Variants in BBX observed in about 807,000 individuals in gnomAD.
BBX encodes BBX high mobility group box domain containing, also known as HMG box transcription factor BBX.
Under a neutral mutation model 100.2 loss-of-function variants are expected in BBX, and 30 were observed. That is an observed-to-expected ratio of 0.30 (90% CI 0.22 to 0.41). The LOEUF (loss-of-function observed/expected upper bound fraction) is 0.41. Ranked by LOEUF, BBX falls within the 10% of genes least tolerant of loss-of-function variation. The pLI, the probability that BBX is intolerant of heterozygous loss-of-function variation, is 1.00. For synonymous variants in BBX, 376 were observed against 388.1 expected (o/e 0.97, Z 0.37); for missense variants, 1,023 against 1,129.8 (o/e 0.91, Z 1.35).
intron 5 of BBX, among the ~76,000 whole-genome samples, chr3:107,718,911 G>A (rs1323171924): frequency 2.0e-5 from 3 of 151,912 alleles, no homozygotes; most frequent in Admixed American, 6.6e-5. Context: ...TAGAAGATTC[G>A]GCTACTTTCA....
chr3:107,729,922 A>G (rs2063202997), intron 6 of BBX, among the ~76,000 whole-genome samples: 1 of 152,150 alleles, frequency 6.6e-6, no homozygotes, highest in South Asian at 2.1e-4. Flanking sequence ...ATAATCTACA[A>G]AAAATATTAT....
chr3:107,663,584 A>G (rs979756200), intron 3 of BBX, among the ~76,000 whole-genome samples: 25 of 152,052 alleles, frequency 1.6e-4, no homozygotes, highest in African/African-American at 5.8e-4. Context: ...TACCCCCTAC[A>G]TTAAATTTTG....
intron 5 of BBX, among the ~76,000 whole-genome samples, chr3:107,724,565 A>T (rs1050861816): frequency 1.6e-4 from 25 of 152,166 alleles, no homozygotes; most frequent in Non-Finnish European, 3.4e-4. Context: ...TCTTTAATCC[A>T]TCTTGAATTG....
chr3:107,664,745 C>CA (rs2058652006), intron 3 of BBX, among the ~76,000 whole-genome samples: 4 of 152,154 alleles, frequency 2.6e-5, no homozygotes, highest in African/African-American at 9.7e-5. Flanking sequence ...CTAAGAAATA[C>CA]AGTTTTTGCA....
rs186459487 is a variant in BBX at position 107,584,434 on chromosome 3, A to C, written c.-84+58036A>C. On this transcript the variant is annotated intron_variant, in intron 2 of 17. Coordinates refer to ENST00000325805, the MANE Select transcript of BBX (RefSeq NM_001142568.3). Reference sequence around the variant, plus strand: ...TTAGTTTGTGAAATTTGTCCATTCAAATCTTCATGTCTGGAAAACTATATG... The same window carrying C: ...TTAGTTTGTGAAATTTGTCCATTCACATCTTCATGTCTGGAAAACTATATG... 1.3e-4 allele frequency among the ~76,000 whole-genome samples: 20 copies of C among 149,794 alleles called. 1 individual carries two copies. The East Asian group carries it at 3.9e-3, about 29-fold the overall frequency.
intron 9 of BBX, 129 bp downstream of exon 9, chr3:107,748,168 A>G: frequency 1.5e-6 from 1 of 670,446 alleles, no homozygotes. Flanking sequence ...AATACACATA[A>G]CAGAATATTT....
intron 13 of BBX, among the ~76,000 whole-genome samples, chr3:107,779,938 C>T (rs2067700483): frequency 6.6e-6 from 1 of 152,024 alleles, no homozygotes; most frequent in Non-Finnish European, 1.5e-5. Flanking sequence ...CAGTTTTCCT[C>T]TGTGGTTAAT....
Position 107,789,894 on chromosome 3 carries a change from C to T in BBX, c.2293+18C>T, listed in dbSNP as rs1301574643. The T allele has an allele frequency of 6.6e-7, 1 of 1,520,200 alleles. No homozygotes were observed. Among genetic ancestry groups the T allele is most frequent in the Non-Finnish European group, 8.9e-7 (1 of 1,119,172 alleles). 94.2% of individuals were successfully genotyped at this position (1,520,200 alleles called of 1,614,324 possible). A position where few individuals can be genotyped will look rare whatever the true frequency, so the allele number is the denominator to read the frequency against. On this transcript the variant is annotated intron_variant, in intron 14 of 17. Transcript: ENST00000325805. ...GGAAAAAGGTATTGGTGCCCTCCAT[C>T]CTCCATGAAGGGTTCTTGGTCACCT...
At chr3:107,574,818 G>A (rs1425449029) in intron 2 of BBX, among the ~76,000 whole-genome samples, 3 of 152,308 alleles carry the variant, frequency 2.0e-5, no homozygotes, top group East Asian at 1.9e-4. Context: ...GAGAAGGAAT[G>A]ACTCAAGGCT....
chr3:107,805,357 T>A lies in BBX; in HGVS notation c.2739-13T>A. ...TGCTGAATAAGTGACTTTTTCTTCC[T>A]TTTATTTTACAGAGGTCAGAGGTCA... On this transcript the variant is annotated splice_polypyrimidine_tract_variant and intron_variant, in intron 17 of 17. Transcript: ENST00000325805. The A allele has an allele frequency of 6.2e-7, 1 of 1,601,824 alleles. No individual in the cohort carries two copies. Among genetic ancestry groups the A allele is most frequent in the Non-Finnish European group, 8.5e-7 (1 of 1,173,674 alleles).
rs543886254 is a variant in BBX, at chr3:107,699,019, C to CTCAT, written c.-9-11419_-9-11416dup. ...TGGACTTCAGGGAACAGTCCTAGAA[C>CTCAT]TCATTCATTCATTCATTTGCCTGCA... On this transcript the variant is annotated intron_variant, in intron 3 of 17. Coordinates refer to ENST00000325805, the MANE Select transcript of BBX (RefSeq NM_001142568.3). Among the ~76,000 whole-genome samples the CTCAT allele has an allele frequency of 6.4e-4, 97 of 151,914 alleles. 2 individuals carry two copies. The East Asian group carries it at 0.016, about 24-fold the overall frequency.
chr3:107,667,254 T>G (rs1331024020), intron 3 of BBX, among the ~76,000 whole-genome samples: 1 of 152,242 alleles, frequency 6.6e-6, no homozygotes, highest in Non-Finnish European at 1.5e-5. Flanking sequence ...TGTCTTTGAT[T>G]AATGTAAAAG....
intron 3 of BBX, among the ~76,000 whole-genome samples, chr3:107,696,833 A>G (rs2060642280): frequency 1.3e-5 from 2 of 151,420 alleles, no homozygotes; most frequent in South Asian, 2.1e-4. Context: ...TTTCAGGTAC[A>G]CCAATCAGAC....
chr3:107,691,750 T>G (rs1423089160), intron 3 of BBX, among the ~76,000 whole-genome samples: 4 of 152,348 alleles, frequency 2.6e-5, no homozygotes, highest in African/African-American at 9.6e-5. Context: ...TCTAAGCATT[T>G]GGGAAGGTAA....
intron 2 of BBX, among the ~76,000 whole-genome samples, chr3:107,638,836 C>G (rs2057025293): frequency 7.8e-6 from 1 of 127,510 alleles, no homozygotes; most frequent in Non-Finnish European, 1.7e-5. Context: ...CACACACAGA[C>G]AAATTAGCCA....
At chr3:107,615,912 G>C (rs577333034) in intron 2 of BBX, among the ~76,000 whole-genome samples, 1 of 146,944 alleles carries the variant, frequency 6.8e-6, no homozygotes, top group Non-Finnish European at 1.5e-5. Context: ...GCTAGTAAAA[G>C]CTCTATTTGG....
intron 10 of BBX, among the ~76,000 whole-genome samples, chr3:107,771,776 A>G (rs550582150): frequency 6.6e-6 from 1 of 152,326 alleles, no homozygotes; most frequent in African/African-American, 2.4e-5. Flanking sequence ...TTTGTTCATT[A>G]ATCAAAACCT....
At chr3:107,568,857 G>A (rs1252099812) in intron 2 of BBX, among the ~76,000 whole-genome samples, 1 of 152,038 alleles carries the variant, frequency 6.6e-6, no homozygotes, top group Middle Eastern at 3.2e-3. Flanking sequence ...AGGACTCAAG[G>A]TTCATTTTAG....
intron 2 of BBX, among the ~76,000 whole-genome samples, chr3:107,528,351 C>G (rs1193893607): frequency 1.3e-5 from 2 of 152,140 alleles, no homozygotes; most frequent in African/African-American, 4.8e-5. Context: ...ACATTTAATG[C>G]TAGCTATTGA....
Sources: allele counts gnomAD v4.1 joint callset (sites outside exome capture counted in the v4.1 genomes callset), GRCh38; gene constraint gnomAD v4.1.1; transcripts MANE v1.5; gene names NCBI Gene and HGNC (gene_info 2026-07-23, HGNC 2026-07-21).